KALRN: variants seen among roughly 807,000 people sequenced by gnomAD.
KALRN encodes kalirin RhoGEF kinase.
KALRN carries 70 observed loss-of-function variants against 353.7 expected under a neutral mutation model. That is an observed-to-expected ratio of 0.20 (90% CI 0.16 to 0.24). KALRN has a LOEUF of 0.24. Ranked by LOEUF, KALRN falls within the 10% of genes least tolerant of loss-of-function variation. The pLI is 1.00. For missense variants in KALRN, 2,791 were observed against 3,756.7 expected, an observed-to-expected ratio of 0.74 and a Z score of 6.72; for synonymous variants, 1,391 against 1,434.8, an observed-to-expected ratio of 0.97 and a Z score of 0.69.
chr3:124,225,477 G>A (rs56154003), intron 1 of KALRN, among the ~76,000 whole-genome samples: 43,023 of 152,124 alleles, frequency 0.28, 7,586 homozygotes, highest in Non-Finnish European at 0.4. Flanking sequence ...TACAGGGTCA[G>A]GGAGGACCCT....
intron 49 of KALRN, 80 bp downstream of exon 49, chr3:124,674,694 G>T: frequency 7.2e-7 from 1 of 1,382,096 alleles, no homozygotes; most frequent in Non-Finnish European, 9.7e-7. Context: ...ACACAAAAAT[G>T]CAAACACATG....
intron 34 of KALRN, among the ~76,000 whole-genome samples, chr3:124,617,324 AC>A (rs2078726692): frequency 6.6e-6 from 1 of 152,176 alleles, no homozygotes; most frequent in Admixed American, 6.5e-5. Flanking sequence ...ACAGAGTGAG[AC>A]CCTGTCTCAC....
chr3:124,101,027 T>G (rs144418176), intron 1 of KALRN, among the ~76,000 whole-genome samples: 3 of 152,338 alleles, frequency 2.0e-5, no homozygotes, highest in East Asian at 1.9e-4. Context: ...TACATGGGAA[T>G]AGTAAACATA....
At chr3:124,383,362 T>G (rs1256655287) in intron 10 of KALRN, among the ~76,000 whole-genome samples, 2 of 152,260 alleles carry the variant, frequency 1.3e-5, no homozygotes, top group East Asian at 3.8e-4. Context: ...CAATTTGTTT[T>G]CTCACAGTTC....
chr3:124,348,511 T>G (rs1239300461), intron 10 of KALRN, among the ~76,000 whole-genome samples: 1 of 152,212 alleles, frequency 6.6e-6, no homozygotes, highest in Non-Finnish European at 1.5e-5. Context: ...AGTGGCGACC[T>G]GAGCCCAGGG....
chr3:124,431,810 T>C (rs979121055), intron 16 of KALRN, among the ~76,000 whole-genome samples: 2 of 152,348 alleles, frequency 1.3e-5, no homozygotes, highest in Middle Eastern at 3.4e-3. Context: ...ATTTTTAAGC[T>C]AGTGTTGATT....
intron 5 of KALRN, among the ~76,000 whole-genome samples, chr3:124,297,362 A>T (rs1473658118): frequency 6.6e-6 from 1 of 152,216 alleles, no homozygotes; most frequent in Non-Finnish European, 1.5e-5. Context: ...AGGCTTAAGT[A>T]GTGCAGTTCT....
At chr3:124,467,962 T>A (rs903535744) in intron 25 of KALRN, among the ~76,000 whole-genome samples, 1 of 151,434 alleles carries the variant, frequency 6.6e-6, no homozygotes, top group Non-Finnish European at 1.5e-5. Flanking sequence ...GGGTAGGTAG[T>A]CAGGCAGGTA....
chr3:124,544,002 G>T (rs978221069), intron 33 of KALRN, among the ~76,000 whole-genome samples: 1 of 152,176 alleles, frequency 6.6e-6, no homozygotes, highest in African/African-American at 2.4e-5. Flanking sequence ...AACTCTAGTT[G>T]CAGAGCATGA....
intron 14 of KALRN, among the ~76,000 whole-genome samples, chr3:124,420,273 G>A (rs548173727): frequency 2.6e-5 from 4 of 152,314 alleles, no homozygotes; most frequent in African/African-American, 9.6e-5. Flanking sequence ...TAAGTAACAT[G>A]TGGTGTGGCA....
intron 5 of KALRN, among the ~76,000 whole-genome samples, chr3:124,296,495 C>T (rs937461933): frequency 1.3e-5 from 2 of 152,196 alleles, no homozygotes; most frequent in African/African-American, 4.8e-5. Flanking sequence ...TCCGGGTCCT[C>T]GCCCTCGTCA....
Position 124,495,982 on chromosome 3 carries a change from T to TATAC in KALRN, c.4833-326_4833-325insCATA, listed in dbSNP as rs2063737885. 4.4e-4 allele frequency among the ~76,000 whole-genome samples: 20 copies of TATAC among 45,324 alleles called. No individual in the cohort carries two copies. In the South Asian group the frequency reaches 8.2e-3, roughly 19 times the overall value. 29.7% of individuals were successfully genotyped at this position (45,324 alleles called of 152,430 possible). ...GTATGTATGTATATATATATATATA[T>TATAC]ATATATATATATATATATATATATA... On this transcript the variant is annotated intron_variant, in intron 32 of 59. Coordinates refer to ENST00000682506, the MANE Select transcript of KALRN (RefSeq NM_001388419.1).
At chr3:124,081,497 A>G (rs2060540378) in intron 1 of KALRN, among the ~76,000 whole-genome samples, 1 of 152,212 alleles carries the variant, frequency 6.6e-6, no homozygotes, top group Admixed American at 6.5e-5. Context: ...GGGGCCGGGC[A>G]CAGTGGCTCA....
chr3:124,245,767 T>A (rs2081056063), intron 3 of KALRN, among the ~76,000 whole-genome samples: 1 of 152,180 alleles, frequency 6.6e-6, no homozygotes, highest in East Asian at 1.9e-4. Context: ...TGATGATTAG[T>A]GATGTTGAGT....
intron 14 of KALRN, among the ~76,000 whole-genome samples, chr3:124,417,363 C>T (rs192258176): frequency 3.1e-4 from 47 of 152,358 alleles, no homozygotes; most frequent in African/African-American, 1.0e-3. Flanking sequence ...CTGCCCTCAT[C>T]GGCCAGGCCA....
intron 1 of KALRN, among the ~76,000 whole-genome samples, chr3:124,055,852 C>T (rs1323635414): frequency 1.3e-5 from 2 of 150,550 alleles, no homozygotes; most frequent in Middle Eastern, 3.4e-3. Context: ...TAGTGGGTGC[C>T]ATTTTTTTCC....
chr3:124,138,364 C>T (rs2066193970), intron 1 of KALRN, among the ~76,000 whole-genome samples: 1 of 152,230 alleles, frequency 6.6e-6, no homozygotes, highest in African/African-American at 2.4e-5. Flanking sequence ...CTGTGCTCTA[C>T]TCCACCAGTG....
At chr3:124,604,937 C>G (rs1578283799) in intron 34 of KALRN, among the ~76,000 whole-genome samples, 1 of 152,002 alleles carries the variant, frequency 6.6e-6, no homozygotes, top group East Asian at 1.9e-4. Context: ...GTGCAGATTG[C>G]CTAAGCCAGG....
At chr3:124,718,531 G>A (rs1450155293) in intron 59 of KALRN, among the ~76,000 whole-genome samples, 4 of 152,164 alleles carry the variant, frequency 2.6e-5, no homozygotes, top group Admixed American at 6.5e-5. Flanking sequence ...GTGAGAGAAG[G>A]TAGGGAAGTT....
Sources: allele counts gnomAD v4.1 joint callset (sites outside exome capture counted in the v4.1 genomes callset), GRCh38; gene constraint gnomAD v4.1.1; transcripts MANE v1.5; gene names NCBI Gene and HGNC (gene_info 2026-07-23, HGNC 2026-07-21).